CNTNAP3B: variants seen among roughly 807,000 people sequenced by gnomAD.
The protein encoded by CNTNAP3B is contactin-associated protein-like 3B.
Under a neutral mutation model 108.9 loss-of-function variants are expected in CNTNAP3B, and 25 were observed. The observed-to-expected ratio is 0.23, with a 90% CI of 0.17 to 0.32. CNTNAP3B has a LOEUF of 0.32. CNTNAP3B is among the 10% of genes least tolerant of loss of function. The pLI is 1.00. For missense variants in CNTNAP3B, 252 were observed against 1,210.4 expected, an observed-to-expected ratio of 0.21 and a Z score of 11.75; for synonymous variants, 103 against 473.4, an observed-to-expected ratio of 0.22 and a Z score of 10.16.
chr9:42,104,349 T>C (rs1462231138), intron 2 of CNTNAP3B, among the ~76,000 whole-genome samples: 6 of 79,030 alleles, frequency 7.6e-5, no homozygotes, highest in South Asian at 1.1e-3. Context: ...AATACTCAGA[T>C]ATTGCAAGGG....
intron 12 of CNTNAP3B, among the ~76,000 whole-genome samples, chr9:41,955,113 C>A (rs75093569): frequency 2.7e-5 from 4 of 149,790 alleles, no homozygotes; most frequent in African/African-American, 9.9e-5. Flanking sequence ...ATTGAAGATG[C>A]TCAACCACAT....
Position 42,075,868 on chromosome 9 carries a change from T to TATA in CNTNAP3B, c.390+1000_390+1001insTAT, listed in dbSNP as rs1282765591. ...TTATTATTATTATTATTATTATTATTATTATTGAGACAGAGTTTCTCTCTT... is the reference window on the plus strand; with the variant it reads ...TTATTATTATTATTATTATTATTATTATAATTATTGAGACAGAGTTTCTCTCTT... On this transcript the variant is annotated intron_variant, in intron 3 of 23. Transcript: ENST00000377561. Among the ~76,000 whole-genome samples the TATA allele has an allele frequency of 5.2e-5, 6 of 115,048 alleles. No individual in the cohort carries two copies. In the Admixed American group the frequency reaches 5.3e-4, roughly 10 times the overall value. The allele number at this position is 115,048 out of a possible 152,430, so 75.5% of individuals were successfully genotyped here.
At chr9:42,054,700 C>T (rs1485801583) in intron 3 of CNTNAP3B, among the ~76,000 whole-genome samples, 3 of 151,858 alleles carry the variant, frequency 2.0e-5, no homozygotes, top group Non-Finnish European at 2.9e-5. Context: ...ATTTAAAAAA[C>T]ACCACTAAAA....
In CNTNAP3B at chr9:42,094,509, G is replaced by A. The variant is rs377398759; in HGVS notation, c.196+10120C>T. On this transcript the variant is annotated intron_variant, in intron 2 of 23. Transcript: ENST00000377561. The stretch of plus-strand genomic sequence containing the variant: ...ATCTTTACAAAAAATATAAATGTTC[G>A]CTGGGTGTTATGACATGTGACTGTG... 6.5e-4 allele frequency among the ~76,000 whole-genome samples: 84 copies of A among 129,724 alleles called. 9 individuals are homozygous for A. The highest frequency in any genetic ancestry group is 2.6e-3 in the African/African-American group (83 of 31,840). The allele number at this position is 129,724 out of a possible 152,430, so 85.1% of individuals were successfully genotyped here.
At chr9:42,017,137 G>A (rs1477303348) in intron 3 of CNTNAP3B, among the ~76,000 whole-genome samples, 4 of 139,702 alleles carry the variant, frequency 2.9e-5, no homozygotes, top group Non-Finnish European at 6.2e-5. Flanking sequence ...CTCACATGCT[G>A]GAAATATGTT....
At chr9:41,934,916 A>T (rs1329799397) in intron 14 of CNTNAP3B, among the ~76,000 whole-genome samples, 14 of 152,296 alleles carry the variant, frequency 9.2e-5, no homozygotes, top group African/African-American at 3.4e-4. Flanking sequence ...AGACTCTAAG[A>T]TAATCACACA....
chr9:41,967,049 T>A (rs1330094520), intron 10 of CNTNAP3B, among the ~76,000 whole-genome samples: 3 of 149,924 alleles, frequency 2.0e-5, no homozygotes, highest in African/African-American at 5.0e-5. Flanking sequence ...CATTGCTATT[T>A]TTTGCGTAGC....
At chr9:41,934,514 C>T (rs1356036131) in intron 14 of CNTNAP3B, among the ~76,000 whole-genome samples, 1 of 152,258 alleles carries the variant, frequency 6.6e-6, no homozygotes, top group African/African-American at 2.4e-5. Flanking sequence ...AGCCACGGCG[C>T]CCTGCCACTT....
intron 14 of CNTNAP3B, among the ~76,000 whole-genome samples, chr9:41,934,731 G>T (rs1160531605): frequency 3.9e-5 from 6 of 152,284 alleles, no homozygotes; most frequent in Admixed American, 6.5e-5. Flanking sequence ...TTCACCGAGT[G>T]CTTATATTTT....
chr9:41,964,967 T>A (rs1431794503), intron 10 of CNTNAP3B, among the ~76,000 whole-genome samples: 1 of 152,250 alleles, frequency 6.6e-6, no homozygotes, highest in African/African-American at 2.4e-5. Flanking sequence ...TATGGCATGC[T>A]CAGTTACTAT....
rs1438583248 is a variant in CNTNAP3B at position 41,924,051 on chromosome 9, T to A, written c.2408A>T (p.Tyr803Phe). 3.1e-6 allele frequency: 5 copies of A among 1,612,118 alleles called. No homozygotes were observed. The Admixed American group carries it at 6.7e-5, about 21-fold the overall frequency. The change falls in exon 16 of 24, where the codon TAC becomes TTC. Residue 803 changes from tyrosine to phenylalanine, a missense_variant. Coordinates refer to ENST00000377561, the MANE Select transcript of CNTNAP3B (RefSeq NM_001201380.3). ...TCCGTGGAAAGCAGGGAAATGAAGG[T>A]ATGAAGTCTCAGTGTTGAAGGAAGC... ...NSASFNTETS[Y>F]LHFPAFHGEL... is the part of the protein sequence containing the mutation.
intron 10 of CNTNAP3B, among the ~76,000 whole-genome samples, chr9:41,966,379 T>G (rs1212376080): frequency 1.3e-5 from 2 of 152,302 alleles, no homozygotes; most frequent in Non-Finnish European, 2.9e-5. Flanking sequence ...ATGTATACAC[T>G]ATTTTTCTTC....
intron 1 of CNTNAP3B, among the ~76,000 whole-genome samples, chr9:42,120,140 A>C (rs1174421856): frequency 6.7e-6 from 1 of 149,506 alleles, no homozygotes; most frequent in Non-Finnish European, 1.5e-5. Context: ...AGAAAAAACA[A>C]CAATCCCATC....
At chr9:41,913,477 A>T (rs1823453677) in intron 18 of CNTNAP3B, among the ~76,000 whole-genome samples, 1 of 151,094 alleles carries the variant, frequency 6.6e-6, no homozygotes, top group Non-Finnish European at 1.5e-5. Context: ...GGAGTGTAAC[A>T]TTTTAATTTC....
intron 3 of CNTNAP3B, among the ~76,000 whole-genome samples, chr9:42,051,964 T>TA (rs1826973089): frequency 6.6e-6 from 1 of 151,662 alleles, no homozygotes; most frequent in African/African-American, 2.4e-5. Context: ...CTCTCTCTTG[T>TA]AAAAAGAATG....
At chr9:41,921,101 G>A (rs201753228) in intron 17 of CNTNAP3B, among the ~76,000 whole-genome samples, 7,399 of 133,400 alleles carry the variant, frequency 0.055, no homozygotes, top group African/African-American at 0.076. Flanking sequence ...CAATTCGGTG[G>A]GCCTAAGGTG....
intron 13 of CNTNAP3B, among the ~76,000 whole-genome samples, chr9:41,939,517 A>G (rs1564150556): frequency 6.6e-6 from 1 of 152,240 alleles, no homozygotes; most frequent in Admixed American, 6.5e-5. Flanking sequence ...AAAAACAACG[A>G]AAAAAAGGCA....
rs1302320658 is a variant in CNTNAP3B, at chr9:41,940,434, T to C, written c.2081-2034A>G. 1.6e-4 allele frequency among the ~76,000 whole-genome samples: 25 copies of C among 152,404 alleles called. No individual in the cohort carries two copies. In the East Asian group the frequency reaches 4.6e-3, roughly 28 times the overall value. On this transcript the variant is annotated intron_variant, in intron 13 of 23. Coordinates refer to ENST00000377561, the MANE Select transcript of CNTNAP3B (RefSeq NM_001201380.3). ...TCTGAAATTACAGAACCAGAAGGAA[T>C]GGCATATTTTTTTTCAGGGCTGATA...
intron 2 of CNTNAP3B, among the ~76,000 whole-genome samples, chr9:42,086,417 C>T (rs1273190910): frequency 7.2e-6 from 1 of 139,052 alleles, no homozygotes; most frequent in Non-Finnish European, 1.5e-5. Context: ...ACATTTTTTA[C>T]ATTTTTGCAT....
Sources: allele counts gnomAD v4.1 joint callset (sites outside exome capture counted in the v4.1 genomes callset), GRCh38; gene constraint gnomAD v4.1.1; transcripts MANE v1.5; gene names NCBI Gene and HGNC (gene_info 2026-07-23, HGNC 2026-07-21).